Variants in RHBDF1 observed in about 807,000 individuals in gnomAD.
RHBDF1 encodes inactive rhomboid protein 1.
In RHBDF1, 80 loss-of-function variants were observed where a neutral mutation model predicts 98.6. The ratio of observed to expected loss-of-function variants is 0.81; its 90% CI spans 0.68 to 0.98. RHBDF1 has a LOEUF of 0.98. RHBDF1 is among the 50% of genes least tolerant of loss of function. RHBDF1 has a pLI of 0.00. For missense variants in RHBDF1, 1,116 were observed against 1,198.3 expected (o/e 0.93, Z 1.01); for synonymous variants, 512 against 486.8 (o/e 1.05, Z -0.68).
In RHBDF1 at chr16:63,943, A is replaced by G. The variant is rs1161401679; in HGVS notation, c.249-143T>C. The G allele has an allele frequency of 7.6e-6, 6 of 792,808 alleles. No individual in the cohort carries two copies. In the East Asian group the frequency reaches 1.6e-4, roughly 21 times the overall value. 49.1% of individuals were successfully genotyped at this position (792,808 alleles called of 1,614,324 possible). A position where few individuals can be genotyped will look rare whatever the true frequency, so the allele number is the denominator to read the frequency against. ...AGGGTCTGAGTGGGCAAGGTCTAAT[A>G]AGAGGATGAGTGGGTTCCAGCCACC... On this transcript the variant is annotated intron_variant, in intron 3 of 17. Transcript: ENST00000262316.
chr16:70,087 TTGGGTCTGAC>T (rs1297239767), intron 1 of RHBDF1, among the ~76,000 whole-genome samples: 1 of 151,970 alleles, frequency 6.6e-6, no homozygotes, highest in Non-Finnish European at 1.5e-5. Flanking sequence ...CCTGACTCAG[TTGGGTCTGAC>T]AGGGGCTGAC....
rs1202189209 is a variant in RHBDF1 at position 63,813 on chromosome 16, G to A, written c.249-13C>T. 3.1e-6 allele frequency: 5 copies of A among 1,610,976 alleles called. No homozygotes were observed. The Admixed American group carries it at 6.7e-5, about 22-fold the overall frequency. On this transcript the variant is annotated splice_polypyrimidine_tract_variant and intron_variant, in intron 3 of 17. Transcript: ENST00000262316. Reference sequence around the variant, plus strand: ...GTCGGCGGTCCCCCTGGCATGGCAGGGACTCAGCAAGGGGCGGCCAGATCG... The same window carrying A: ...GTCGGCGGTCCCCCTGGCATGGCAGAGACTCAGCAAGGGGCGGCCAGATCG...
At position 60,203 on chromosome 16, in the gene RHBDF1, C is replaced by T. The variant is rs371443294; in HGVS notation, c.1722+13G>A. The T allele has an allele frequency of 6.2e-7, 1 of 1,613,866 alleles. No homozygotes were observed. ...ACGGAGGGCTCCCTAACAACCCCCC[C>T]ACTGCAGCTCACCGGCCACTTGGTG... On this transcript the variant is annotated intron_variant, in intron 13 of 17. Transcript: ENST00000262316.
upstream of RHBDF1, among the ~76,000 whole-genome samples, chr16:74,266 C>T (rs74705650): frequency 0.015 from 2,211 of 152,316 alleles, 28 homozygotes; most frequent in Middle Eastern, 0.027. Flanking sequence ...CAAGCCCTAT[C>T]GGGCCTGGAT....
At chr16:69,637 T>G (rs1897919550) in intron 1 of RHBDF1, among the ~76,000 whole-genome samples, 1 of 152,106 alleles carries the variant, frequency 6.6e-6, no homozygotes, top group South Asian at 2.1e-4. Context: ...TCTTCTGGAT[T>G]AATGAAGGGA....
intron 1 of RHBDF1, among the ~76,000 whole-genome samples, chr16:69,252 C>A (rs897394948): frequency 7.2e-5 from 11 of 152,320 alleles, no homozygotes; most frequent in African/African-American, 2.6e-4. Context: ...GAGCTGCATC[C>A]TCAGGTGTGA....
intron 3 of RHBDF1, chr16:64,258 C>A: frequency 7.5e-7 from 1 of 1,332,530 alleles, no homozygotes; most frequent in Non-Finnish European, 9.9e-7. Context: ...GCCAACCACA[C>A]TGGCAGCTCC....
In RHBDF1 at chr16:61,385, C is replaced by G; in HGVS notation, c.1395G>C (p.Ser465=). ...GCCCCGCCCCCAGCCCCGTCCTCACCGAGCTGGGCCCGATCCAGAAGTTCT... is the reference window on the plus strand; with the variant it reads ...GCCCCGCCCCCAGCCCCGTCCTCACGGAGCTGGGCCCGATCCAGAAGTTCT... ...QQENFWIGPS[S]EALIHLGAKF... The change falls in exon 10 of 18, where the codon TCG becomes TCC. Residue 465 remains serine (S), a splice_region_variant and synonymous_variant. Coordinates refer to ENST00000262316, the MANE Select transcript of RHBDF1 (RefSeq NM_022450.5). 2 of 1,606,686 alleles carry G rather than the reference C, an allele frequency of 1.2e-6. No individual in the cohort carries two copies. Among genetic ancestry groups the G allele is most frequent in the African/African-American group, 1.3e-5 (1 of 74,944 alleles).
Position 60,390 on chromosome 16 carries a change from G to A in RHBDF1, c.1658+49C>T, listed in dbSNP as rs376990561. 1.6e-4 allele frequency: 261 copies of A among 1,596,712 alleles called. 1 individual carries two copies. The highest frequency in any genetic ancestry group is 3.3e-4 in the Middle Eastern group (2 of 6,010). On this transcript the variant is annotated intron_variant, in intron 12 of 17. Transcript: ENST00000262316. ...CTACACCCTCTGCACCACAGCCCCC[G>A]GGGAAGGTGTGGACAAAGGCAGGTG...
chr16:75,415 C>T (rs1345288657), upstream of RHBDF1, among the ~76,000 whole-genome samples: 1 of 152,238 alleles, frequency 6.6e-6, no homozygotes, highest in Non-Finnish European at 1.5e-5. Context: ...CCCAAGGGGT[C>T]AGACCCTGGG....
chr16:64,200 T>G, intron 3 of RHBDF1: 4 of 1,276,182 alleles, frequency 3.1e-6, no homozygotes, highest in Non-Finnish European at 1.0e-6. Flanking sequence ...CACTTGGACA[T>G]GCAAACAAAA....
chr16:62,461 A>G lies in RHBDF1; in HGVS notation c.953+77T>C, dbSNP rs991714916. ...CCCCTTCCATCGCCCACAGAGGTGA[A>G]TGCCGATACTCGCCCAGCTGTTCCT... On this transcript the variant is annotated intron_variant, in intron 7 of 17. Coordinates refer to ENST00000262316, the MANE Select transcript of RHBDF1 (RefSeq NM_022450.5). 26 of 1,550,838 alleles carry G rather than the reference A, an allele frequency of 1.7e-5. No individual in the cohort carries two copies. The African/African-American group carries it at 2.6e-4, about 15-fold the overall frequency.
chr16:73,874 A>G (rs1358532030), upstream of RHBDF1: 4 of 939,956 alleles, frequency 4.3e-6, no homozygotes, highest in Non-Finnish European at 5.1e-6. Flanking sequence ...CCTTGGCTAG[A>G]CAGAAAAGGG....
chr16:62,594 C>G lies in RHBDF1; in HGVS notation c.897G>C (p.Ala299=). ...LKDWEKAPEQ[A]DLTGGALDRS... ...GGTCCAGGGCCCCGCCGGTGAGGTC[C>G]GCCTGCTCCGGTGCCTTCTCCCAGT... The change falls in exon 7 of 18, where the codon GCG becomes GCC. Residue 299 remains alanine, a synonymous_variant. Coordinates refer to ENST00000262316, the MANE Select transcript of RHBDF1 (RefSeq NM_022450.5). 3 of 1,613,722 alleles carry G rather than the reference C, an allele frequency of 1.9e-6. No homozygotes were observed. Among genetic ancestry groups the G allele is most frequent in the Non-Finnish European group, 2.5e-6 (3 of 1,180,034 alleles).
rs1277783278 is a variant in RHBDF1 at position 72,602 on chromosome 16, C to CGCCCGCCGGTCCG, written c.-127_-115dup. ...GGAGGGCCCGCGCCGAGTCCCCGCC[C>CGCCCGCCGGTCCG]GCCCGCCGGTCCGGCCCGCCCGGGA... On this transcript the variant is annotated 5_prime_UTR_variant, in exon 1 of 18. Coordinates refer to ENST00000262316, the MANE Select transcript of RHBDF1 (RefSeq NM_022450.5). 8.2e-6 allele frequency: 8 copies of CGCCCGCCGGTCCG among 977,632 alleles called. No individual in the cohort carries two copies. The highest frequency in any genetic ancestry group is 8.5e-6 in the Non-Finnish European group (7 of 825,270). The allele number at this position is 977,632 out of a possible 1,614,324, so 60.6% of individuals were successfully genotyped here. A position where few individuals can be genotyped will look rare whatever the true frequency, so the allele number is the denominator to read the frequency against.
At position 64,929 on chromosome 16, in the gene RHBDF1, G is replaced by A; in HGVS notation, c.87C>T (p.Pro29=). The A allele has an allele frequency of 6.2e-7, 1 of 1,602,364 alleles. No homozygotes were observed. The change falls in exon 2 of 18, where the codon CCC becomes CCT. Residue 29 remains proline, a synonymous_variant. Transcript: ENST00000262316. ...WLKLDIPSAV[P]LTAEEPSFLQ... ...GGAAGCTGGGCTCTTCTGCCGTCAG[G>A]GGCACCGCAGAGGGAATGTCCAGCT... is the stretch of plus-strand genomic sequence containing the variant.
At chr16:69,441 G>C (rs2141867396) in intron 1 of RHBDF1, among the ~76,000 whole-genome samples, 1 of 152,258 alleles carries the variant, frequency 6.6e-6, no homozygotes, top group South Asian at 2.1e-4. Context: ...CTCACCCCGG[G>C]ACACCTTCCC....
intron 3 of RHBDF1, chr16:64,078 G>A (rs752068074): frequency 1.6e-6 from 1 of 635,788 alleles, no homozygotes; most frequent in Non-Finnish European, 2.8e-6. Flanking sequence ...CAGTTGAGGG[G>A]AGGCACTGAG....
At chr16:60,170 C>G in intron 13 of RHBDF1, 46 bp downstream of exon 13, 2 of 1,613,494 alleles carry the variant, frequency 1.2e-6, no homozygotes, top group Non-Finnish European at 1.7e-6. Flanking sequence ...CATTCTCTCC[C>G]ACATGACACG....
Sources: allele counts gnomAD v4.1 joint callset (sites outside exome capture counted in the v4.1 genomes callset), GRCh38; gene constraint gnomAD v4.1.1; transcripts MANE v1.5; gene names NCBI Gene and HGNC (gene_info 2026-07-23, HGNC 2026-07-21).